Variants in C6 observed in about 807,000 individuals in gnomAD.
C6 encodes the protein complement component C6.
In C6, 101 loss-of-function variants were observed where a neutral mutation model predicts 112.9. The observed-to-expected ratio is 0.89, with a 90% CI of 0.76 to 1.06. C6 has a LOEUF of 1.06. C6 is among the 50% of genes least tolerant of loss of function. The pLI, the probability that C6 is intolerant of heterozygous loss-of-function variation, is 0.00. For synonymous variants in C6, 431 were observed against 384.1 expected, an observed-to-expected ratio of 1.12 and a Z score of -1.43; for missense variants, 1,202 against 1,104.6, an observed-to-expected ratio of 1.09 and a Z score of -1.25.
chr5:41,213,061 C>A (rs1752045405), intron 1 of C6: 1 of 152,070 alleles, frequency 6.6e-6, no homozygotes, highest in African/African-American at 2.4e-5. Context: ...ATCTTTCTAC[C>A]TTTACTATCG....
chr5:41,229,540 G>A (rs1249390828), intron 1 of C6, among the ~76,000 whole-genome samples: 1 of 152,002 alleles, frequency 6.6e-6, no homozygotes. Context: ...AGAAAAGATG[G>A]TGCAATTTGA....
intron 1 of C6, among the ~76,000 whole-genome samples, chr5:41,207,392 G>T (rs111993699): frequency 8.5e-5 from 13 of 152,288 alleles, no homozygotes; most frequent in African/African-American, 3.1e-4. Context: ...AACCTTAAAT[G>T]TAAATGGGCT....
chr5:41,195,835 G>A lies in C6; in HGVS notation c.544C>T (p.Arg182Trp), dbSNP rs141862960. The A allele has an allele frequency of 7.2e-5, 117 of 1,613,818 alleles. No individual in the cohort carries two copies. In the Admixed American group the frequency reaches 9.0e-4, roughly 12 times the overall value. Reference sequence around the variant, plus strand: ...ACACTAGGGATGGGATTATACTTCCGTGTGCATACTGCCTTTGTCCTCCCA... The same window carrying A: ...ACACTAGGGATGGGATTATACTTCCATGTGCATACTGCCTTTGTCCTCCCA... ...DCGRTKAVCT[R>W]KYNPIPSVQL... The change falls in exon 5 of 18, where the codon CGG becomes TGG. Residue 182 changes from arginine to tryptophan, a missense_variant. Coordinates refer to ENST00000337836, the MANE Select transcript of C6 (RefSeq NM_000065.5).
At chr5:41,257,774 C>T (rs1345573153) in intron 1 of C6, among the ~76,000 whole-genome samples, 1 of 152,130 alleles carries the variant, frequency 6.6e-6, no homozygotes. Context: ...TATATACTAC[C>T]TCCCAGCCCC....
chr5:41,256,364 C>A (rs1454300410), intron 1 of C6, among the ~76,000 whole-genome samples: 1 of 148,096 alleles, frequency 6.8e-6, no homozygotes, highest in Admixed American at 6.9e-5. Flanking sequence ...ACCAGCATGG[C>A]ACATGTATAC....
At chr5:41,213,947 T>C (rs1752092229), upstream of C6, among the ~76,000 whole-genome samples, 1 of 152,162 alleles carries the variant, frequency 6.6e-6, no homozygotes, top group South Asian at 2.1e-4. Flanking sequence ...TAAAAAGTGT[T>C]TCTATATGCC....
intron 1 of C6, among the ~76,000 whole-genome samples, chr5:41,208,126 T>C (rs1441746580): frequency 6.6e-6 from 1 of 152,112 alleles, no homozygotes; most frequent in African/African-American, 2.4e-5. Context: ...GACTACTGGG[T>C]ACATAACGAA....
chr5:41,253,962 A>AT (rs1741521232), intron 1 of C6, among the ~76,000 whole-genome samples: 1 of 152,202 alleles, frequency 6.6e-6, no homozygotes, highest in Non-Finnish European at 1.5e-5. Context: ...CTAAGTATAG[A>AT]TCCCAACCTT....
At chr5:41,175,056 T>C (rs1748723448) in intron 8 of C6, among the ~76,000 whole-genome samples, 1 of 151,928 alleles carries the variant, frequency 6.6e-6, no homozygotes, top group South Asian at 2.1e-4. Flanking sequence ...TGTTTGGAGG[T>C]TCTAGCAGGG....
intron 9 of C6, among the ~76,000 whole-genome samples, chr5:41,166,665 A>T (rs1222506237): frequency 1.3e-5 from 2 of 152,078 alleles, no homozygotes; most frequent in African/African-American, 4.8e-5. Flanking sequence ...AAGTAAACAT[A>T]ATACAGTGTG....
chr5:41,202,184 G>A (rs1751081374), intron 2 of C6, among the ~76,000 whole-genome samples: 1 of 152,098 alleles, frequency 6.6e-6, no homozygotes, highest in African/African-American at 2.4e-5. Flanking sequence ...GAAACATCCT[G>A]AATAATTCAC....
chr5:41,226,848 A>G (rs1454173560), intron 1 of C6, among the ~76,000 whole-genome samples: 1 of 152,054 alleles, frequency 6.6e-6, no homozygotes, highest in Non-Finnish European at 1.5e-5. Flanking sequence ...TTCTTTATCC[A>G]TTCATCTGTC....
intron 5 of C6, among the ~76,000 whole-genome samples, chr5:41,195,417 G>A (rs1341564898): frequency 1.3e-5 from 2 of 152,044 alleles, no homozygotes; most frequent in Non-Finnish European, 2.9e-5. Flanking sequence ...ATTTCTGAGT[G>A]GTTACTCACC....
intron 1 of C6, among the ~76,000 whole-genome samples, chr5:41,260,672 G>T (rs1171138168): frequency 1.3e-5 from 2 of 151,988 alleles, no homozygotes; most frequent in Non-Finnish European, 2.9e-5. Flanking sequence ...CTACTGAGGA[G>T]GCTGAGGCAG....
chr5:41,165,337 T>A (rs1358019951), intron 9 of C6, among the ~76,000 whole-genome samples: 1 of 152,214 alleles, frequency 6.6e-6, no homozygotes, highest in African/African-American at 2.4e-5. Flanking sequence ...CATTTATGTT[T>A]CACTTTAGTA....
At chr5:41,158,645 A>C (rs1227688010) in intron 13 of C6, 29 bp downstream of exon 13, 2 of 1,313,932 alleles carry the variant, frequency 1.5e-6, no homozygotes, top group Admixed American at 1.7e-5. Context: ...TTAAAACTAC[A>C]AACCAAAAGT....
At position 41,149,385 on chromosome 5, in the gene C6, G is replaced by T. The variant is rs1159270378; in HGVS notation, c.2479C>A (p.Gln827Lys). ...CCAATATGTAGAAAATGGAGTTGCT[G>T]ATTATTTAAACATTTCTCAGCCAAA... Reference protein sequence around the residue: ...KFLAEKCLNNQQLHFLHIGSC... With the variant: ...KFLAEKCLNNKQLHFLHIGSC... Residue 827 changes from glutamine (Q) to lysine (K), a missense_variant, in exon 17 of 18, where the codon CAG becomes AAG. By Grantham distance (53) the Gln-to-Lys change is moderately conservative. Transcript: ENST00000337836. 1 of 1,613,948 alleles carries T rather than the reference G, an allele frequency of 6.2e-7. No homozygotes were observed. The highest frequency in any genetic ancestry group is 8.5e-7 in the Non-Finnish European group (1 of 1,179,982).
intron 5 of C6, among the ~76,000 whole-genome samples, chr5:41,188,738 A>C (rs1749975503): frequency 6.6e-6 from 1 of 152,086 alleles, no homozygotes; most frequent in African/African-American, 2.4e-5. Context: ...ATGACATTAA[A>C]AGCACATTCA....
chr5:41,147,097 AT>A (rs1161813536), intron 17 of C6, among the ~76,000 whole-genome samples: 1 of 152,136 alleles, frequency 6.6e-6, no homozygotes, highest in Non-Finnish European at 1.5e-5. Context: ...TTCTCTATGT[AT>A]TTTTGACAAT....
Sources: gnomAD v4.1 joint callset for allele counts (sites outside exome capture counted in the v4.1 genomes callset) on GRCh38, gnomAD v4.1.1 for gene constraint, MANE v1.5 for transcripts, NCBI Gene and HGNC (gene_info 2026-07-23, HGNC 2026-07-21) for gene names.